Variants in SAXO1 observed in about 807,000 individuals in gnomAD.
SAXO1 encodes stabilizer of axonemal microtubules 1.
Under a neutral mutation model 17.5 loss-of-function variants are expected in SAXO1, and 21 were observed. The observed-to-expected ratio is 1.20, with a 90% CI of 0.85 to 1.72. The LOEUF (loss-of-function observed/expected upper bound fraction) is 1.72. Ranked by LOEUF, SAXO1 falls within the 40% of genes most tolerant of loss-of-function variation. SAXO1 has a pLI of 0.00. For missense variants in SAXO1, 843 were observed against 596.0 expected (o/e 1.41, Z -4.32); for synonymous variants, 274 against 216.5 (o/e 1.27, Z -2.33).
chr9:19,013,321 A>C (rs1384726114), intron 1 of SAXO1, among the ~76,000 whole-genome samples: 3 of 152,166 alleles, frequency 2.0e-5, no homozygotes, highest in African/African-American at 7.2e-5. Flanking sequence ...ATAATAGCAG[A>C]TTTTGCAACG....
chr9:18,997,356 G>A lies in SAXO1; in HGVS notation c.38+35515C>T, dbSNP rs527554380. ...CTTCTCACTGCTAGCGCAGCAGTAT[G>A]AGATCAACCTGGGATGCTGGAGTGT... On this transcript the variant is annotated intron_variant, in intron 1 of 3. Transcript: ENST00000380534. Among the ~76,000 whole-genome samples, 5 of 152,368 alleles carry A rather than the reference G, an allele frequency of 3.3e-5. No individual in the cohort carries two copies. The South Asian group carries it at 6.2e-4, about 19-fold the overall frequency.
At chr9:18,954,441 A>G (rs1339069122) in intron 1 of SAXO1, among the ~76,000 whole-genome samples, 3 of 151,994 alleles carry the variant, frequency 2.0e-5, no homozygotes, top group Non-Finnish European at 2.9e-5. Context: ...GGATCAAGCA[A>G]TCCTCCCACC....
At chr9:18,996,430 A>G (rs756111611) in intron 1 of SAXO1, among the ~76,000 whole-genome samples, 1 of 152,256 alleles carries the variant, frequency 6.6e-6, no homozygotes, top group Non-Finnish European at 1.5e-5. Flanking sequence ...TATTGCTCCT[A>G]GGCTGTAAGC....
At chr9:19,024,457 G>A (rs530784278) in intron 1 of SAXO1, among the ~76,000 whole-genome samples, 7 of 152,204 alleles carry the variant, frequency 4.6e-5, no homozygotes, top group African/African-American at 1.2e-4. Flanking sequence ...TGGGGCGAGG[G>A]GGGGAGGGAT....
At chr9:18,993,022 A>G (rs1588493937) in intron 1 of SAXO1, among the ~76,000 whole-genome samples, 1 of 151,124 alleles carries the variant, frequency 6.6e-6, no homozygotes, top group Non-Finnish European at 1.5e-5. Flanking sequence ...CTGGTCTTGA[A>G]CTCCCAGCCT....
rs144846268 is a variant in SAXO1 at position 18,980,629 on chromosome 9, G to A, written c.39-29692C>T. On this transcript the variant is annotated intron_variant, in intron 1 of 3. Transcript: ENST00000380534. Reference sequence around the variant, plus strand: ...GCTAAAGAAATGTTTCAGACTGGCTGGGCCCTGCCTGCCTTCTGGGATTTT... The same window carrying A: ...GCTAAAGAAATGTTTCAGACTGGCTAGGCCCTGCCTGCCTTCTGGGATTTT... Among the ~76,000 whole-genome samples the A allele has an allele frequency of 1.6e-3, 239 of 151,982 alleles. 1 individual carries two copies. Among genetic ancestry groups the A allele is most frequent in the African/African-American group, 5.6e-3 (232 of 41,420 alleles).
chr9:19,007,114 C>T (rs1048572115), intron 1 of SAXO1, among the ~76,000 whole-genome samples: 10 of 151,342 alleles, frequency 6.6e-5, no homozygotes, highest in Non-Finnish European at 1.5e-4. Context: ...TTTGGGAGGC[C>T]GAGGCGGGTG....
chr9:19,015,210 G>T (rs1235925582), intron 1 of SAXO1, among the ~76,000 whole-genome samples: 1 of 152,092 alleles, frequency 6.6e-6, no homozygotes, highest in Non-Finnish European at 1.5e-5. Context: ...ATGTCAACCA[G>T]CCCGGAGTAC....
At chr9:19,002,886 C>T (rs977443902) in intron 1 of SAXO1, among the ~76,000 whole-genome samples, 2 of 152,192 alleles carry the variant, frequency 1.3e-5, no homozygotes, top group South Asian at 4.1e-4. Context: ...ATTGGAAGTT[C>T]TGCTGGGGCA....
intron 1 of SAXO1, among the ~76,000 whole-genome samples, chr9:19,000,764 CAA>C (rs1360644908): frequency 6.6e-6 from 1 of 151,190 alleles, no homozygotes; most frequent in African/African-American, 2.4e-5. Flanking sequence ...AAATGGAAAG[CAA>C]AAAAAAGCAG....
At chr9:18,959,525 C>CT (rs1348723926) in intron 1 of SAXO1, among the ~76,000 whole-genome samples, 1 of 152,084 alleles carries the variant, frequency 6.6e-6, no homozygotes, top group Non-Finnish European at 1.5e-5. Flanking sequence ...AATCCCAGCA[C>CT]TATAGGAGGA....
chr9:18,938,635 G>A (rs572612688), intron 3 of SAXO1, among the ~76,000 whole-genome samples: 1 of 152,158 alleles, frequency 6.6e-6, no homozygotes, highest in African/African-American at 2.4e-5. Flanking sequence ...AGATTTCATG[G>A]GGGCAGAGAC....
chr9:19,045,963 T>C (rs1836203850), intron 1 of SAXO1, among the ~76,000 whole-genome samples: 1 of 151,882 alleles, frequency 6.6e-6, no homozygotes, highest in Admixed American at 6.6e-5. Context: ...GGCGCATGCC[T>C]GTAATCCCAG....
chr9:18,953,960 G>C (rs1424780070), intron 1 of SAXO1, among the ~76,000 whole-genome samples: 1 of 152,144 alleles, frequency 6.6e-6, no homozygotes, highest in Non-Finnish European at 1.5e-5. Flanking sequence ...CCCTGCCTAG[G>C]GCATTTAAAA....
intron 2 of SAXO1, among the ~76,000 whole-genome samples, chr9:18,943,970 T>G (rs1159969594): frequency 6.6e-6 from 1 of 152,224 alleles, no homozygotes; most frequent in Non-Finnish European, 1.5e-5. Flanking sequence ...CTTCAAAGGC[T>G]GCCAGACTCT....
chr9:19,034,214 G>C (rs898582626), upstream of SAXO1, among the ~76,000 whole-genome samples: 4 of 152,080 alleles, frequency 2.6e-5, no homozygotes, highest in African/African-American at 9.7e-5. Flanking sequence ...TAGTGAATGA[G>C]TCAGTCAGAG....
chr9:19,029,034 G>A (rs1203221867), intron 1 of SAXO1, among the ~76,000 whole-genome samples: 7 of 152,138 alleles, frequency 4.6e-5, no homozygotes, highest in Admixed American at 3.9e-4. Context: ...ATCAGGAAAC[G>A]TCTGCCATCT....
At chr9:19,027,964 C>A (rs1835574366) in intron 1 of SAXO1, 10 of 1,505,274 alleles carry the variant, frequency 6.6e-6, no homozygotes, top group Admixed American at 1.7e-5. Flanking sequence ...TGCGAGGGAG[C>A]TGACCCGCTG....
chr9:18,948,476 C>A (rs577151148), intron 2 of SAXO1, among the ~76,000 whole-genome samples: 9 of 152,194 alleles, frequency 5.9e-5, no homozygotes, highest in African/African-American at 2.2e-4. Context: ...CTTTCCTCTA[C>A]TTTAGCCACA....
Sources: allele counts gnomAD v4.1 joint callset (sites outside exome capture counted in the v4.1 genomes callset), GRCh38; gene constraint gnomAD v4.1.1; transcripts MANE v1.5; gene names NCBI Gene and HGNC (gene_info 2026-07-23, HGNC 2026-07-21).